CLIC6: variants seen among roughly 807,000 people sequenced by gnomAD.
CLIC6 encodes chloride intracellular channel protein 6.
A neutral mutation model predicts 49.2 loss-of-function variants in CLIC6; 39 were observed. The observed-to-expected ratio is 0.79, with a 90% confidence interval of 0.61 to 1.04. The LOEUF (loss-of-function observed/expected upper bound fraction) is 1.04, where lower values mean the gene tolerates loss of function less well. Ranked by LOEUF, CLIC6 falls within the 50% of genes least tolerant of loss-of-function variation. The pLI, the probability that CLIC6 is intolerant of heterozygous loss-of-function variation, is 0.00. For synonymous variants in CLIC6, 446 were observed against 433.4 expected (o/e 1.03, Z -0.36); for missense variants, 988 against 993.1 (o/e 0.99, Z 0.07).
At chr21:34,711,326 G>A (rs578121759) in intron 5 of CLIC6, among the ~76,000 whole-genome samples, 1 of 152,260 alleles carries the variant, frequency 6.6e-6, no homozygotes, top group East Asian at 1.9e-4. Flanking sequence ...GAGGCCAGGA[G>A]TTTGAGACCA....
At chr21:34,686,358 G>A (rs1601268510) in intron 1 of CLIC6, among the ~76,000 whole-genome samples, 1 of 152,146 alleles carries the variant, frequency 6.6e-6, no homozygotes, top group South Asian at 2.1e-4. Context: ...CTGAGATCAC[G>A]CCACTGCGCT....
intron 1 of CLIC6, among the ~76,000 whole-genome samples, chr21:34,696,531 A>G (rs1990091537): frequency 6.6e-6 from 1 of 152,164 alleles, no homozygotes; most frequent in Non-Finnish European, 1.5e-5. Context: ...CCTGGGTTCA[A>G]ATCCTGCTTT....
chr21:34,705,177 C>T lies in CLIC6; in HGVS notation c.1375-2103C>T, dbSNP rs1172539786. 3.3e-5 allele frequency among the ~76,000 whole-genome samples: 5 copies of T among 152,224 alleles called. No homozygotes were observed. In the South Asian group the frequency reaches 8.3e-4, roughly 25 times the overall value. Reference sequence around the variant, plus strand: ...CAGAGCAAGTCGGGACTGGCCAAAACATGCGTCCTTGCACTTTCTTCTCCC... The same window carrying T: ...CAGAGCAAGTCGGGACTGGCCAAAATATGCGTCCTTGCACTTTCTTCTCCC... On this transcript the variant is annotated intron_variant, in intron 1 of 5. Coordinates refer to ENST00000349499, the MANE Select transcript of CLIC6 (RefSeq NM_053277.3).
chr21:34,669,659 G>C lies in CLIC6; in HGVS notation c.271G>C (p.Glu91Gln). The C allele has an allele frequency of 7.5e-7, 1 of 1,326,488 alleles. No homozygotes were observed. The highest frequency in any genetic ancestry group is 3.1e-5 in the East Asian group (1 of 31,916). The allele number at this position is 1,326,488 out of a possible 1,614,324, so 82.2% of individuals were successfully genotyped here. The stretch of plus-strand genomic sequence containing the variant: ...GACTGAGGCCGAGGAGGGAGCCCCG[G>C]AGGGTGCCGAGGTGCCCCAAGGAGG... ...GETEAEEGAPEGAEVPQGGEE... is the reference protein window; with the variant it reads ...GETEAEEGAPQGAEVPQGGEE... The change falls in exon 1 of 6, where the codon GAG becomes CAG. Residue 91 changes from glutamate to glutamine, a missense_variant. Glu to Gln is a conservative substitution (Grantham distance 29). Coordinates refer to ENST00000349499, the MANE Select transcript of CLIC6 (RefSeq NM_053277.3).
At chr21:34,707,914 C>T (rs772028065) in intron 2 of CLIC6, 30 bp from the exon 3 acceptor site, 6 of 1,613,000 alleles carry the variant, frequency 3.7e-6, no homozygotes, top group Non-Finnish European at 5.1e-6. Context: ...TCACGGTGGC[C>T]CATAAACACT....
chr21:34,673,872 G>A (rs966688298), intron 1 of CLIC6, among the ~76,000 whole-genome samples: 11 of 152,046 alleles, frequency 7.2e-5, no homozygotes, highest in Non-Finnish European at 1.6e-4. Context: ...CCTTTTTTGG[G>A]CTCAGTTTTG....
At chr21:34,688,892 A>C (rs2834580) in intron 1 of CLIC6, among the ~76,000 whole-genome samples, 1 of 152,072 alleles carries the variant, frequency 6.6e-6, no homozygotes, top group Admixed American at 6.5e-5. Flanking sequence ...CTTGTATTCT[A>C]TGACTCCTTC....
chr21:34,669,316 C>T lies in CLIC6; in HGVS notation c.-73C>T, dbSNP rs576338301. ...GAGCACAGAGGGCCCCGTAGCACGCCCCTTGCCCAGCGCCACCGACCCTTA... is the reference window on the plus strand; with the variant it reads ...GAGCACAGAGGGCCCCGTAGCACGCTCCTTGCCCAGCGCCACCGACCCTTA... On this transcript the variant is annotated 5_prime_UTR_variant, in exon 1 of 6. Transcript: ENST00000349499. The T allele has an allele frequency of 1.6e-5, 19 of 1,177,066 alleles. No homozygotes were observed. The South Asian group carries it at 8.0e-4, about 50-fold the overall frequency. The allele number at this position is 1,177,066 out of a possible 1,614,324, so 72.9% of individuals were successfully genotyped here. A position where few individuals can be genotyped will look rare whatever the true frequency, so the allele number is the denominator to read the frequency against.
At chr21:34,697,985 C>T (rs1191900868) in intron 1 of CLIC6, among the ~76,000 whole-genome samples, 1 of 151,978 alleles carries the variant, frequency 6.6e-6, no homozygotes, top group Non-Finnish European at 1.5e-5. Flanking sequence ...GTTTCGCTGT[C>T]TCTATAGGAG....
At chr21:34,678,159 A>C (rs185849108) in intron 1 of CLIC6, among the ~76,000 whole-genome samples, 2,366 of 151,696 alleles carry the variant, frequency 0.016, 68 homozygotes, top group African/African-American at 0.054. Context: ...TGGCTGGGTG[A>C]GGTGGCTCAC....
rs1340099804 is a variant in CLIC6 at position 34,707,389 on chromosome 21, G to C, written c.1484G>C (p.Arg495Thr). ...IFNVTTVDLK[R>T]KPADLQNLAP... Reference sequence around the variant, plus strand: ...AATGTGACCACAGTGGACCTGAAAAGGTAAGACAAGGCGTCTGCCTTACTG... The same window carrying C: ...AATGTGACCACAGTGGACCTGAAAACGTAAGACAAGGCGTCTGCCTTACTG... The change falls in exon 2 of 6, where the codon AGG becomes ACG. Residue 495 changes from arginine (R) to threonine (T), a missense_variant and splice_region_variant. By Grantham distance (71) the Arg-to-Thr change is moderately conservative (BLOSUM62 -1). Around this residue, in one of 3 missense-constraint regions of CLIC6, gnomAD observed 647 missense variants for 596.9 expected, o/e 1.08. Transcript: ENST00000349499. 1.3e-6 allele frequency: 2 copies of C among 1,579,200 alleles called. No individual in the cohort carries two copies. Among genetic ancestry groups the C allele is most frequent in the African/African-American group, 2.7e-5 (2 of 73,568 alleles).
chr21:34,688,200 A>G (rs1989918068), intron 1 of CLIC6, among the ~76,000 whole-genome samples: 2 of 152,236 alleles, frequency 1.3e-5, no homozygotes, highest in Admixed American at 6.5e-5. Flanking sequence ...GGACAATACT[A>G]GCAAAGATGT....
intron 1 of CLIC6, among the ~76,000 whole-genome samples, chr21:34,695,803 A>G (rs1227936798): frequency 6.6e-6 from 1 of 152,234 alleles, no homozygotes; most frequent in African/African-American, 2.4e-5. Context: ...TGCCTTAAAA[A>G]ATTCCAGACC....
Position 34,669,590 on chromosome 21 carries a change from G to A in CLIC6, c.202G>A (p.Gly68Ser), listed in dbSNP as rs1989485796. 2 of 1,270,070 alleles carry A rather than the reference G, an allele frequency of 1.6e-6. No individual in the cohort carries two copies. The highest frequency in any genetic ancestry group is 2.0e-6 in the Non-Finnish European group (2 of 1,011,602). 78.7% of individuals were successfully genotyped at this position (1,270,070 alleles called of 1,614,324 possible). A position where few individuals can be genotyped will look rare whatever the true frequency, so the allele number is the denominator to read the frequency against. Residue 68 changes from glycine (G) to serine (S), a missense_variant, in exon 1 of 6, where the codon GGC (glycine) becomes AGC (serine). By Grantham distance (56) the Gly-to-Ser change is moderately conservative (BLOSUM62 0). This residue lies in a region of CLIC6 where 284 missense variants were observed against 278.6 expected (regional missense o/e 1.02). Coordinates refer to ENST00000349499, the MANE Select transcript of CLIC6 (RefSeq NM_053277.3). ...KEAGGGGPDR[G>S]PEAEARGTRG... The stretch of plus-strand genomic sequence containing the variant: ...GGCAGGAGGCGGCGGGCCAGACAGG[G>A]GCCCGGAGGCCGAGGCGCGGGGCAC...
intron 1 of CLIC6, among the ~76,000 whole-genome samples, chr21:34,678,275 C>CAAAA (rs375990037): frequency 1.6e-5 from 2 of 122,920 alleles, no homozygotes; most frequent in Non-Finnish European, 3.5e-5. Context: ...ACTAAAAATA[C>CAAAA]AAAAAAAAAA....
rs746316307 is a variant in CLIC6, at chr21:34,709,488, G to A, written c.1849G>A (p.Glu617Lys). 25 of 1,613,988 alleles carry A rather than the reference G, an allele frequency of 1.5e-5. 1 individual carries two copies. The highest frequency in any genetic ancestry group is 4.5e-5 in the East Asian group (2 of 44,886). ...TGGAAGGAAGTTTCTGGATGGGGAC[G>A]AGCTGACGCTGGCTGACTGCAACCT... ...VSGRKFLDGD[E>K]LTLADCNLLP... Residue 617 changes from glutamate (E) to lysine (K), a missense_variant, in exon 5 of 6, where the codon GAG becomes AAG. By Grantham distance (56) the Glu-to-Lys change is moderately conservative. This residue lies in a region of CLIC6 where 647 missense variants were observed against 596.9 expected (regional missense o/e 1.08). Coordinates refer to ENST00000349499, the MANE Select transcript of CLIC6 (RefSeq NM_053277.3).
intron 1 of CLIC6, among the ~76,000 whole-genome samples, chr21:34,701,576 A>G (rs1179625022): frequency 6.6e-6 from 1 of 152,090 alleles, no homozygotes; most frequent in Non-Finnish European, 1.5e-5. Flanking sequence ...TTTTTTAAAA[A>G]AGGGAGAAAC....
At chr21:34,709,827 G>A (rs901236531) in intron 5 of CLIC6, among the ~76,000 whole-genome samples, 5 of 152,174 alleles carry the variant, frequency 3.3e-5, no homozygotes, top group Admixed American at 6.5e-5. Context: ...GAGGAATTTC[G>A]TAGATTATAC....
At chr21:34,685,850 G>T (rs1239356087) in intron 1 of CLIC6, among the ~76,000 whole-genome samples, 1 of 152,204 alleles carries the variant, frequency 6.6e-6, no homozygotes, top group Non-Finnish European at 1.5e-5. Flanking sequence ...CTGCACATAT[G>T]TAGCTCCACC....
Sources: gnomAD v4.1 joint callset for allele counts (sites outside exome capture counted in the v4.1 genomes callset) on GRCh38, gnomAD v4.1.1 for gene constraint, gnomAD v4.1.1 regional missense constraint, MANE v1.5 for transcripts, NCBI Gene and HGNC (gene_info 2026-07-23, HGNC 2026-07-21) for gene names.